CLASP1: variants seen among roughly 807,000 people sequenced by gnomAD.
CLASP1 encodes cytoplasmic linker associated protein 1.
A neutral mutation model predicts 192.3 loss-of-function variants in CLASP1; 38 were observed. The ratio of observed to expected loss-of-function variants is 0.20; its 90% CI spans 0.15 to 0.26. CLASP1 has a LOEUF of 0.26. Among genes scored for constraint, CLASP1 ranks in the 10% least tolerant of loss-of-function variants. The probability of loss-of-function intolerance (pLI) is 1.00; values close to 1 mark genes in which losing one functional copy is unlikely to be tolerated. For missense variants in CLASP1, 1,433 were observed against 1,932.5 expected, an observed-to-expected ratio of 0.74 and a Z score of 4.85; for synonymous variants, 691 against 712.8, an observed-to-expected ratio of 0.97 and a Z score of 0.49.
In CLASP1 at chr2:121,349,015, C is replaced by T. The variant is rs548998079; in HGVS notation, c.4207-297G>A. Among the ~76,000 whole-genome samples the T allele has an allele frequency of 6.5e-4, 99 of 152,018 alleles. 1 individual carries two copies. Among genetic ancestry groups the T allele is most frequent in the Middle Eastern group, 6.8e-3 (2 of 294 alleles). ...CAGAACTTTGGGAGGCCGAGGTGGG[C>T]GGATCACGAGGTCAGGAGATCGAGA... On this transcript the variant is annotated intron_variant, in intron 37 of 39. Coordinates refer to ENST00000263710, the Ensembl canonical transcript of CLASP1.
At chr2:121,605,955 A>G in exon 2 of CLASP1, 1 of 1,497,296 alleles carries the variant, frequency 6.7e-7, no homozygotes, top group Admixed American at 1.8e-5. Flanking sequence ...ACTCCCTCCC[A>G]GCAGACGTAT....
intron 37 of CLASP1, among the ~76,000 whole-genome samples, chr2:121,361,441 C>T (rs532020586): frequency 2.6e-5 from 4 of 152,314 alleles, no homozygotes; most frequent in East Asian, 3.9e-4. Context: ...TGCCCCTTAA[C>T]GGAGACACAA....
intron 1 of CLASP1, among the ~76,000 whole-genome samples, chr2:121,647,644 A>G (rs1288370046): frequency 6.6e-6 from 1 of 152,224 alleles, no homozygotes; most frequent in South Asian, 2.1e-4. Context: ...TTACATAAAT[A>G]AAGTGGAATC....
At chr2:121,610,011 C>T (rs1021031930) in intron 1 of CLASP1, among the ~76,000 whole-genome samples, 6 of 142,436 alleles carry the variant, frequency 4.2e-5, no homozygotes, top group African/African-American at 1.8e-4. Context: ...ATATTTTCAG[C>T]TATCAAAACA....
At chr2:121,362,889 AG>A (rs2066687955) in intron 37 of CLASP1, among the ~76,000 whole-genome samples, 1 of 152,206 alleles carries the variant, frequency 6.6e-6, no homozygotes, top group Non-Finnish European at 1.5e-5. Flanking sequence ...CCTTCCACAA[AG>A]GCAGCTGGAA....
intron 2 of CLASP1, among the ~76,000 whole-genome samples, chr2:121,562,896 G>A (rs572772797): frequency 6.6e-6 from 1 of 152,234 alleles, no homozygotes; most frequent in African/African-American, 2.4e-5. Flanking sequence ...TATTTTTCAT[G>A]TCTCTTCTAA....
chr2:121,387,980 A>G, intron 30 of CLASP1, 74 bp from the exon 32 acceptor site: 1 of 1,180,694 alleles, frequency 8.5e-7, no homozygotes, highest in Non-Finnish European at 1.2e-6. Context: ...GTTGTTTAAA[A>G]AAATATTTTA....
intron 2 of CLASP1, among the ~76,000 whole-genome samples, chr2:121,535,823 A>G (rs1005134838): frequency 6.6e-6 from 1 of 151,642 alleles, no homozygotes. Flanking sequence ...CACACCACCC[A>G]GCTAATTTTT....
intron 21 of CLASP1, among the ~76,000 whole-genome samples, chr2:121,426,526 T>C (rs1356973455): frequency 6.6e-6 from 1 of 152,210 alleles, no homozygotes; most frequent in Non-Finnish European, 1.5e-5. Flanking sequence ...TGTATATGTA[T>C]GTATAAAAAC....
intron 2 of CLASP1, among the ~76,000 whole-genome samples, chr2:121,558,444 G>C (rs894574430): frequency 1.3e-5 from 2 of 152,218 alleles, no homozygotes; most frequent in Non-Finnish European, 2.9e-5. Context: ...TGAAAGGCGA[G>C]GCTTTTAAAG....
At chr2:121,451,434 T>A (rs1222634245) in intron 15 of CLASP1, among the ~76,000 whole-genome samples, 1 of 152,174 alleles carries the variant, frequency 6.6e-6, no homozygotes, top group African/African-American at 2.4e-5. Context: ...AAGAAAACTT[T>A]CAAATGAGTG....
At chr2:121,531,055 G>GTAAA in intron 2 of CLASP1, 1 of 696,834 alleles carries the variant, frequency 1.4e-6, no homozygotes, top group South Asian at 1.5e-5. Context: ...GCAGTAATTC[G>GTAAA]TAAATAAACT....
intron 11 of CLASP1, 60 bp from the exon 12 acceptor site, chr2:121,460,185 AC>A (rs2087598717): frequency 7.5e-7 from 1 of 1,331,092 alleles, no homozygotes; most frequent in Non-Finnish European, 1.0e-6. Context: ...ACTATACACA[AC>A]AAAAGAAGTC....
At position 121,530,887 on chromosome 2, in the gene CLASP1, C is replaced by A. The variant is rs370715569; in HGVS notation, c.196-562G>T. ...CCAGGGACTTTCTATTATAACCATC[C>A]TTTTCTTGGGGTTGCGCTACTGTCC... On this transcript the variant is annotated intron_variant, in intron 2 of 39. Coordinates refer to ENST00000263710, the Ensembl canonical transcript of CLASP1. 4.3e-6 allele frequency: 3 copies of A among 692,978 alleles called. No homozygotes were observed. Among genetic ancestry groups the A allele is most frequent in the South Asian group, 1.5e-5 (1 of 67,254 alleles). The allele number at this position is 692,978 out of a possible 1,614,324, so 42.9% of individuals were successfully genotyped here.
At chr2:121,384,169 T>TACACAC (rs35612382) in intron 32 of CLASP1, among the ~76,000 whole-genome samples, 7 of 142,420 alleles carry the variant, frequency 4.9e-5, no homozygotes, top group South Asian at 4.4e-4. Flanking sequence ...TATATATATA[T>TACACAC]ACACACACAC....
intron 37 of CLASP1, among the ~76,000 whole-genome samples, chr2:121,359,480 G>A (rs1366469073): frequency 6.6e-6 from 1 of 152,120 alleles, no homozygotes; most frequent in Admixed American, 6.5e-5. Context: ...GAGAGGTTCT[G>A]TACCAGCTCT....
intron 24 of CLASP1, 132 bp from the exon 26 acceptor site, chr2:121,407,847 T>C (rs1310966269): frequency 3.8e-6 from 4 of 1,061,954 alleles, no homozygotes; most frequent in East Asian, 2.4e-5. Flanking sequence ...ACACTTTTCC[T>C]GTGCTTATAG....
chr2:121,352,758 A>G (rs2064730547), intron 37 of CLASP1, among the ~76,000 whole-genome samples: 1 of 152,130 alleles, frequency 6.6e-6, no homozygotes. Context: ...GGTTCAAGCG[A>G]TTCTCATGCC....
chr2:121,482,710 C>G (rs531069556), intron 8 of CLASP1, among the ~76,000 whole-genome samples: 1 of 152,278 alleles, frequency 6.6e-6, no homozygotes, highest in East Asian at 1.9e-4. Context: ...GAGCTGAGCC[C>G]ACAGTATCAT....
Sources: allele counts gnomAD v4.1 joint callset (sites outside exome capture counted in the v4.1 genomes callset), GRCh38; gene constraint gnomAD v4.1.1; transcripts MANE v1.5; gene names NCBI Gene and HGNC (gene_info 2026-07-23, HGNC 2026-07-21).